The following KCND2 variants were observed in gnomAD, a reference collection of about 807,000 sequenced individuals.
The protein encoded by KCND2 is potassium voltage-gated channel subfamily D member 2.
In KCND2, 16 loss-of-function variants were observed where a neutral mutation model predicts 54.4. The ratio of observed to expected loss-of-function variants is 0.29; its 90% CI spans 0.20 to 0.45. KCND2 has a LOEUF of 0.45. KCND2 is among the 20% of genes least tolerant of loss of function. KCND2 has a pLI of 1.00. For missense variants in KCND2, 486 were observed against 824.2 expected, an observed-to-expected ratio of 0.59 and a Z score of 5.02; for synonymous variants, 317 against 310.7, an observed-to-expected ratio of 1.02 and a Z score of -0.21.
At chr7:120,311,686 T>C (rs1029303579) in intron 1 of KCND2, among the ~76,000 whole-genome samples, 1 of 152,166 alleles carries the variant, frequency 6.6e-6, no homozygotes, top group Non-Finnish European at 1.5e-5. Context: ...TTAAGCCTAG[T>C]ACTCATTAGT....
chr7:120,730,508 T>C (rs552125538), intron 1 of KCND2, among the ~76,000 whole-genome samples: 18 of 152,292 alleles, frequency 1.2e-4, no homozygotes, highest in African/African-American at 4.3e-4. Flanking sequence ...TAACATAACC[T>C]TTAGATTATA....
chr7:120,741,226 A>G (rs1434946140), intron 2 of KCND2, among the ~76,000 whole-genome samples: 1 of 152,114 alleles, frequency 6.6e-6, no homozygotes, highest in African/African-American at 2.4e-5. Context: ...GTAAAGTAAT[A>G]CTGCTATTTT....
intron 1 of KCND2, among the ~76,000 whole-genome samples, chr7:120,621,053 T>A (rs1793091336): frequency 6.6e-6 from 1 of 151,826 alleles, no homozygotes; most frequent in Admixed American, 6.6e-5. Flanking sequence ...GGCGAGTGGA[T>A]CACGAGTTTA....
chr7:120,463,265 G>A (rs1004648854), intron 1 of KCND2, among the ~76,000 whole-genome samples: 2 of 151,834 alleles, frequency 1.3e-5, no homozygotes, highest in African/African-American at 4.8e-5. Flanking sequence ...ACATAGTATG[G>A]AAGAATGTAA....
intron 1 of KCND2, among the ~76,000 whole-genome samples, chr7:120,504,895 G>A (rs1329389571): frequency 1.3e-5 from 2 of 151,438 alleles, no homozygotes; most frequent in Non-Finnish European, 3.0e-5. Context: ...TTTTTAGCAC[G>A]TGAGTAGGTG....
intron 1 of KCND2, among the ~76,000 whole-genome samples, chr7:120,622,119 G>A (rs917270400): frequency 4.6e-5 from 7 of 151,960 alleles, no homozygotes; most frequent in African/African-American, 9.7e-5. Context: ...ATATGGAAAA[G>A]GAGAATGTCA....
At chr7:120,477,899 G>T (rs1440020539) in intron 1 of KCND2, among the ~76,000 whole-genome samples, 1 of 152,106 alleles carries the variant, frequency 6.6e-6, no homozygotes, top group African/African-American at 2.4e-5. Flanking sequence ...GTCAAAACTG[G>T]TAAGAGTTGC....
At chr7:120,531,233 A>G (rs547965366) in intron 1 of KCND2, among the ~76,000 whole-genome samples, 4 of 151,714 alleles carry the variant, frequency 2.6e-5, no homozygotes, top group Non-Finnish European at 5.9e-5. Flanking sequence ...CTCCTAATTC[A>G]CTCAGCTGAT....
intron 1 of KCND2, among the ~76,000 whole-genome samples, chr7:120,454,070 C>T (rs190682260): frequency 3.9e-5 from 6 of 152,128 alleles, no homozygotes; most frequent in East Asian, 3.9e-4. Context: ...GGTGACAGAG[C>T]GAGACTCCGT....
intron 1 of KCND2, among the ~76,000 whole-genome samples, chr7:120,456,029 C>T (rs1209940872): frequency 6.6e-6 from 1 of 152,054 alleles, no homozygotes; most frequent in Non-Finnish European, 1.5e-5. Flanking sequence ...TTATTATTAT[C>T]TATTATTGTT....
At position 120,312,898 on chromosome 7, in the gene KCND2, T is replaced by TA. The variant is rs200330736; in HGVS notation, c.1115+37159dup. On this transcript the variant is annotated intron_variant, in intron 1 of 5. Coordinates refer to ENST00000331113, the MANE Select transcript of KCND2 (RefSeq NM_012281.3). ...AAAAAGGAAAACTTGTGACTTTTTT[T>TA]AAAAAAAAGACTGATGACATCCTTC... Among the ~76,000 whole-genome samples, 735 of 152,096 alleles carry TA rather than the reference T, an allele frequency of 4.8e-3. 8 individuals are homozygous for TA. The highest frequency in any genetic ancestry group is 0.017 in the African/African-American group (696 of 41,508).
intron 1 of KCND2, among the ~76,000 whole-genome samples, chr7:120,284,276 C>A (rs1799306705): frequency 6.6e-6 from 1 of 151,634 alleles, no homozygotes; most frequent in Non-Finnish European, 1.5e-5. Context: ...TGGGGGCTAA[C>A]ACACACACAC....
At chr7:120,559,210 A>G (rs773355858) in intron 1 of KCND2, among the ~76,000 whole-genome samples, 1 of 152,202 alleles carries the variant, frequency 6.6e-6, no homozygotes, top group Non-Finnish European at 1.5e-5. Flanking sequence ...CCACTACCAC[A>G]AGCAAAACTT....
intron 1 of KCND2, among the ~76,000 whole-genome samples, chr7:120,662,233 G>C (rs7790895): frequency 0.14 from 21,985 of 152,044 alleles, 1,751 homozygotes; most frequent in African/African-American, 0.17. Context: ...CACAATGTTT[G>C]CCAAAGAGAG....
chr7:120,681,274 ACTAG>A (rs1434199594), intron 1 of KCND2, among the ~76,000 whole-genome samples: 1 of 151,880 alleles, frequency 6.6e-6, no homozygotes, highest in Non-Finnish European at 1.5e-5. Flanking sequence ...CTTCCTTTTC[ACTAG>A]CTAGGGGTAT....
chr7:120,323,185 T>C (rs1374468732), intron 1 of KCND2, among the ~76,000 whole-genome samples: 1 of 152,062 alleles, frequency 6.6e-6, no homozygotes, highest in East Asian at 1.9e-4. Context: ...TGTGATGTTC[T>C]CCTACCTGTG....
chr7:120,744,273 T>A (rs1792978489), intron 4 of KCND2, among the ~76,000 whole-genome samples: 1 of 152,008 alleles, frequency 6.6e-6, no homozygotes, highest in Non-Finnish European at 1.5e-5. Context: ...AATAAATAAA[T>A]AAATAAATAA....
intron 1 of KCND2, among the ~76,000 whole-genome samples, chr7:120,417,993 C>T (rs1253062041): frequency 6.6e-6 from 1 of 152,080 alleles, no homozygotes; most frequent in Non-Finnish European, 1.5e-5. Context: ...ACTAAATATC[C>T]ACTTGGTAAA....
chr7:120,431,326 C>A (rs561893204), intron 1 of KCND2, among the ~76,000 whole-genome samples: 1 of 152,134 alleles, frequency 6.6e-6, no homozygotes, highest in Non-Finnish European at 1.5e-5. Context: ...CATGCCTTAA[C>A]GTAGCCTATG....
Sources: gnomAD v4.1 joint callset for allele counts (sites outside exome capture counted in the v4.1 genomes callset) on GRCh38, gnomAD v4.1.1 for gene constraint, MANE v1.5 for transcripts, NCBI Gene and HGNC (gene_info 2026-07-23, HGNC 2026-07-21) for gene names.